ST18: variants seen among roughly 807,000 people sequenced by gnomAD.
ST18 encodes ST18 C2H2C-type zinc finger transcription factor.
Under a neutral mutation model 110.0 loss-of-function variants are expected in ST18, and 50 were observed. The ratio of observed to expected loss-of-function variants is 0.45; its 90% CI spans 0.36 to 0.58. ST18 has a LOEUF of 0.58. Among genes scored for constraint, ST18 ranks in the 20% least tolerant of loss-of-function variants. The pLI is 0.00. For missense variants in ST18, 1,306 were observed against 1,280.1 expected (o/e 1.02, Z -0.31); for synonymous variants, 461 against 452.4 (o/e 1.02, Z -0.24).
chr8:52,331,535 G>A (rs183936415), intron 2 of ST18, among the ~76,000 whole-genome samples: 85 of 152,242 alleles, frequency 5.6e-4, no homozygotes, highest in African/African-American at 2.0e-3. Flanking sequence ...GGGAGAAAAT[G>A]CAGGGAAGAC....
At chr8:52,229,505 T>G (rs2090661572) in intron 3 of ST18, among the ~76,000 whole-genome samples, 1 of 152,146 alleles carries the variant, frequency 6.6e-6, no homozygotes, top group African/African-American at 2.4e-5. Context: ...ATGGCCTGCT[T>G]CCTCCATTTT....
chr8:52,332,170 T>C (rs950336284), intron 2 of ST18, among the ~76,000 whole-genome samples: 18 of 152,248 alleles, frequency 1.2e-4, no homozygotes, highest in African/African-American at 4.3e-4. Context: ...TTAAATATTA[T>C]ACTAAACAAC....
At chr8:52,330,837 G>T (rs1431947230) in intron 2 of ST18, among the ~76,000 whole-genome samples, 1 of 152,234 alleles carries the variant, frequency 6.6e-6, no homozygotes, top group African/African-American at 2.4e-5. Context: ...AACCACGTGT[G>T]TGTACATCTT....
rs1564399325 is a variant in ST18 at position 52,278,926 on chromosome 8, C to T, written c.-464-48849G>A. On this transcript the variant is annotated intron_variant, in intron 2 of 25. Coordinates refer to ENST00000689386, the MANE Select transcript of ST18 (RefSeq NM_001352837.2). ...CTGCTGGAGGCAAGTACAAATTCCC[C>T]TGAAGGAAGAGATTTGCAATGAATC... Among the ~76,000 whole-genome samples the T allele has an allele frequency of 2.6e-5, 4 of 152,182 alleles. No individual in the cohort carries two copies. In the South Asian group the frequency reaches 8.3e-4, roughly 31 times the overall value.
At position 52,111,925 on chromosome 8, in the gene ST18, C is replaced by T. The variant is rs1282983556; in HGVS notation, c.*1273G>A. 1.3e-5 allele frequency: 2 copies of T among 152,266 alleles called. No homozygotes were observed. The highest frequency in any genetic ancestry group is 2.9e-5 in the Non-Finnish European group (2 of 67,974). 9.4% of individuals were successfully genotyped at this position (152,266 alleles called of 1,614,324 possible). On this transcript the variant is annotated 3_prime_UTR_variant, in exon 26 of 26. Transcript: ENST00000689386. ...CCGTTCAGAAATTCAAGATTGTGGG[C>T]TCAATTTGAAGTGTGGATGAGTCTG...
chr8:52,335,565 T>C (rs1811648072), intron 2 of ST18, among the ~76,000 whole-genome samples: 2 of 152,358 alleles, frequency 1.3e-5, no homozygotes, highest in South Asian at 4.1e-4. Context: ...TCACATAGCC[T>C]GAAGGTGATC....
intron 15 of ST18, 41 bp from the exon 16 acceptor site, chr8:52,150,018 G>T (rs1319320285): frequency 1.3e-6 from 2 of 1,585,378 alleles, no homozygotes; most frequent in Non-Finnish European, 1.7e-6. Context: ...TAAGCAGTTT[G>T]CAGTTACAGC....
rs554670557 is a variant in ST18, at chr8:52,141,597, G to A, written c.2168+1333C>T. On this transcript the variant is annotated intron_variant, in intron 17 of 25. Transcript: ENST00000689386. ...AAAGATCTGGGAATGGGAGCATCAGGGCTGAGGGTGGGGAAGCACAGTAGC... is the reference window on the plus strand; with the variant it reads ...AAAGATCTGGGAATGGGAGCATCAGAGCTGAGGGTGGGGAAGCACAGTAGC... Among the ~76,000 whole-genome samples, 26 of 152,182 alleles carry A rather than the reference G, an allele frequency of 1.7e-4. No homozygotes were observed. In the South Asian group the frequency reaches 3.1e-3, roughly 18 times the overall value.
chr8:52,119,761 C>T (rs760409147), intron 23 of ST18, among the ~76,000 whole-genome samples: 24 of 152,018 alleles, frequency 1.6e-4, no homozygotes, highest in Non-Finnish European at 2.9e-4. Flanking sequence ...AAAAGTAAGC[C>T]GAAAGTTACA....
intron 2 of ST18, among the ~76,000 whole-genome samples, chr8:52,232,475 C>T (rs564465877): frequency 1.2e-4 from 19 of 152,160 alleles, no homozygotes; most frequent in African/African-American, 4.3e-4. Flanking sequence ...TGCAAATTTC[C>T]TTGAGACATT....
chr8:52,389,113 C>G (rs1392462020), intron 2 of ST18, among the ~76,000 whole-genome samples: 1 of 152,152 alleles, frequency 6.6e-6, no homozygotes, highest in African/African-American at 2.4e-5. Flanking sequence ...GCGAGGCGAG[C>G]CTGGCGCTTC....
intron 6 of ST18, among the ~76,000 whole-genome samples, chr8:52,217,401 A>G (rs1398421157): frequency 6.6e-6 from 1 of 152,168 alleles, no homozygotes; most frequent in African/African-American, 2.4e-5. Context: ...GTTCAGTTTA[A>G]ATGATAAGTA....
At position 52,388,094 on chromosome 8, in the gene ST18, T is replaced by A. The variant is rs138351224; in HGVS notation, c.-465+21234A>T. On this transcript the variant is annotated intron_variant, in intron 2 of 25. Transcript: ENST00000689386. Reference sequence around the variant, plus strand: ...ATACAGTCAGTTTTGCTGTAACGCTTGTTTCGAAAATGCGAGTTTGTTCCA... The same window carrying A: ...ATACAGTCAGTTTTGCTGTAACGCTAGTTTCGAAAATGCGAGTTTGTTCCA... Among the ~76,000 whole-genome samples the A allele has an allele frequency of 3.3e-3, 502 of 152,294 alleles. 7 individuals carry two copies. The highest frequency in any genetic ancestry group is 5.5e-3 in the Non-Finnish European group (375 of 68,026).
chr8:52,270,256 TAA>T (rs2095030617), intron 2 of ST18, among the ~76,000 whole-genome samples: 2 of 152,200 alleles, frequency 1.3e-5, no homozygotes, highest in South Asian at 4.1e-4. Context: ...CTAAACTCTG[TAA>T]AAATCATTTT....
intron 2 of ST18, among the ~76,000 whole-genome samples, chr8:52,346,168 T>A (rs1305444341): frequency 6.6e-6 from 1 of 151,098 alleles, no homozygotes; most frequent in African/African-American, 2.4e-5. Context: ...AAATTTATTT[T>A]ATTTTATTTA....
chr8:52,371,186 A>G (rs1447286496), intron 2 of ST18, among the ~76,000 whole-genome samples: 1 of 152,190 alleles, frequency 6.6e-6, no homozygotes. Context: ...TCCTGGCTCT[A>G]TGAGCTGTGT....
Position 52,306,865 on chromosome 8 carries a change from C to G in ST18, c.-464-76788G>C, listed in dbSNP as rs117133314. Among the ~76,000 whole-genome samples, 36 of 152,268 alleles carry G rather than the reference C, an allele frequency of 2.4e-4. 1 individual carries two copies. In the East Asian group the frequency reaches 6.6e-3, roughly 28 times the overall value. On this transcript the variant is annotated intron_variant, in intron 2 of 25. Coordinates refer to ENST00000689386, the MANE Select transcript of ST18 (RefSeq NM_001352837.2). ...CATTAAATGGCAAGAACCACAGTAA[C>G]TTTTGCACCAACCTAATATATTATA...
At chr8:52,361,786 T>C (rs1214371745) in intron 2 of ST18, among the ~76,000 whole-genome samples, 1 of 152,232 alleles carries the variant, frequency 6.6e-6, no homozygotes, top group Non-Finnish European at 1.5e-5. Flanking sequence ...TTTGGGATCA[T>C]GCTGAGAGGT....
chr8:52,302,619 T>C (rs1201431877), intron 2 of ST18, among the ~76,000 whole-genome samples: 1 of 152,152 alleles, frequency 6.6e-6, no homozygotes, highest in East Asian at 1.9e-4. Context: ...GGCAGAACAG[T>C]ACAAAGTGGA....
Sources: gnomAD v4.1 joint callset for allele counts (sites outside exome capture counted in the v4.1 genomes callset) on GRCh38, gnomAD v4.1.1 for gene constraint, MANE v1.5 for transcripts, NCBI Gene and HGNC (gene_info 2026-07-23, HGNC 2026-07-21) for gene names.